The following PAPPA variants were observed in gnomAD, a reference collection of about 807,000 sequenced individuals.
PAPPA encodes the protein pappalysin 1, also known as pappalysin-1.
Under a neutral mutation model 164.0 loss-of-function variants are expected in PAPPA, and 60 were observed. The ratio of observed to expected loss-of-function variants is 0.37; its 90% CI spans 0.30 to 0.45. The LOEUF is 0.45. PAPPA is among the 20% of genes least tolerant of loss of function. The pLI is 1.00. For missense variants in PAPPA, 1,782 were observed against 2,087.3 expected (o/e 0.85, Z 2.85); for synonymous variants, 875 against 814.1 (o/e 1.07, Z -1.27).
At chr9:116,360,463 C>T (rs984537578) in intron 17 of PAPPA, among the ~76,000 whole-genome samples, 1 of 152,066 alleles carries the variant, frequency 6.6e-6, no homozygotes, top group Non-Finnish European at 1.5e-5. Context: ...TGGAAAGGGG[C>T]CCCTTTCTCT....
chr9:116,375,755 G>A (rs1846641001), intron 19 of PAPPA, among the ~76,000 whole-genome samples: 1 of 152,108 alleles, frequency 6.6e-6, no homozygotes, highest in African/African-American at 2.4e-5. Context: ...TGCCCTCAGG[G>A]AGAGAATAGG....
chr9:116,194,230 C>T (rs764910526), intron 2 of PAPPA, among the ~76,000 whole-genome samples: 3 of 152,210 alleles, frequency 2.0e-5, no homozygotes, highest in African/African-American at 7.2e-5. Flanking sequence ...GCCTTTTAAT[C>T]TCTCTGAGCC....
At chr9:116,319,507 G>A (rs1282676772) in intron 10 of PAPPA, among the ~76,000 whole-genome samples, 1 of 152,148 alleles carries the variant, frequency 6.6e-6, no homozygotes, top group Non-Finnish European at 1.5e-5. Flanking sequence ...CTGCTATTGT[G>A]AATTTTCTTT....
intron 5 of PAPPA, among the ~76,000 whole-genome samples, chr9:116,221,125 T>C (rs1343875056): frequency 6.6e-6 from 1 of 152,070 alleles, no homozygotes; most frequent in Non-Finnish European, 1.5e-5. Context: ...GAAAACTGGG[T>C]CTAATGATAC....
In PAPPA at chr9:116,391,902, A is replaced by AGTT. The variant is rs547356755; in HGVS notation, c.4777-4605_4777-4603dup. Among the ~76,000 whole-genome samples, 289 of 152,248 alleles carry AGTT rather than the reference A, an allele frequency of 1.9e-3. 1 individual carries two copies. The highest frequency in any genetic ancestry group is 6.2e-3 in the African/African-American group (258 of 41,548). On this transcript the variant is annotated intron_variant, in intron 21 of 21. Coordinates refer to ENST00000328252, the MANE Select transcript of PAPPA (RefSeq NM_002581.5). ...TGCTTGGGGAGTCAGGGAATCTGGC[A>AGTT]GTTGGGCTCAGAGCTCTGATTTTAT...
intron 10 of PAPPA, among the ~76,000 whole-genome samples, chr9:116,330,254 C>T (rs987370757): frequency 7.9e-5 from 12 of 152,256 alleles, no homozygotes; most frequent in African/African-American, 2.6e-4. Flanking sequence ...TACCAAAGAC[C>T]TCACCGATTT....
At chr9:116,231,200 A>G (rs1355473005) in intron 6 of PAPPA, among the ~76,000 whole-genome samples, 1 of 152,202 alleles carries the variant, frequency 6.6e-6, no homozygotes, top group Non-Finnish European at 1.5e-5. Flanking sequence ...TGGACAGTTT[A>G]TATAAACATG....
rs372683042 is a variant in PAPPA, at chr9:116,156,076, G to A, written c.415+1489G>A. Among the ~76,000 whole-genome samples the A allele has an allele frequency of 2.0e-4, 30 of 149,934 alleles. No homozygotes were observed. In the East Asian group the frequency reaches 5.1e-3, roughly 25 times the overall value. ...TATGTTGACTTCTCTTTCCAAACATGTGAAAAAGCAAAGAGACTGCTGCTT... is the reference window on the plus strand; with the variant it reads ...TATGTTGACTTCTCTTTCCAAACATATGAAAAAGCAAAGAGACTGCTGCTT... On this transcript the variant is annotated intron_variant, in intron 1 of 21. Transcript: ENST00000328252.
At chr9:116,329,693 A>G (rs2418443) in intron 10 of PAPPA, among the ~76,000 whole-genome samples, 150,589 of 152,324 alleles carry the variant, frequency 0.99, 74,460 homozygotes, top group Middle Eastern at 1. Context: ...TTTGCACCTT[A>G]TTTCTTTTTT....
intron 21 of PAPPA, among the ~76,000 whole-genome samples, chr9:116,386,428 C>T (rs1012902544): frequency 1.1e-4 from 17 of 152,276 alleles, no homozygotes; most frequent in African/African-American, 3.8e-4. Flanking sequence ...TTGCATATTT[C>T]AGACACTCTG....
rs560910267 is a variant in PAPPA, at chr9:116,352,901, C to T, written c.4160C>T (p.Ser1387Phe). Residue 1387 changes from serine to phenylalanine, a missense_variant, in exon 16 of 22, where the codon TCT becomes TTT. By Grantham distance (155) the Ser-to-Phe change is radical. Coordinates refer to ENST00000328252, the MANE Select transcript of PAPPA (RefSeq NM_002581.5). ...CCTGGATACCATGTGCCTGGATCCT[C>T]TCGGAAGTCAAAGAAGTAAGTGGGG... ...CKPGYHVPGS[S>F]RKSKKRAFKT... The T allele has an allele frequency of 6.2e-7, 1 of 1,613,938 alleles. No homozygotes were observed. Among genetic ancestry groups the T allele is most frequent in the Non-Finnish European group, 8.5e-7 (1 of 1,179,850 alleles).
intron 21 of PAPPA, among the ~76,000 whole-genome samples, chr9:116,383,073 T>A (rs1333176768): frequency 6.6e-6 from 1 of 152,132 alleles, no homozygotes; most frequent in African/African-American, 2.4e-5. Flanking sequence ...GGTCATGGTA[T>A]TTTTTCTTTA....
chr9:116,284,468 A>G (rs747566997), intron 9 of PAPPA, among the ~76,000 whole-genome samples: 11 of 150,618 alleles, frequency 7.3e-5, no homozygotes, highest in Middle Eastern at 3.5e-3. Flanking sequence ...GCAGTCTCCA[A>G]TGTTCCATAA....
At chr9:116,212,779 A>C (rs2118687754) in intron 4 of PAPPA, among the ~76,000 whole-genome samples, 1 of 152,286 alleles carries the variant, frequency 6.6e-6, no homozygotes, top group East Asian at 1.9e-4. Flanking sequence ...GGAAGGAGGA[A>C]AATGAATAAA....
At chr9:116,379,991 A>G (rs971397931) in intron 20 of PAPPA, among the ~76,000 whole-genome samples, 4 of 152,054 alleles carry the variant, frequency 2.6e-5, no homozygotes, top group African/African-American at 4.8e-5. Flanking sequence ...ATTAACTCCT[A>G]CTCATCTTTA....
intron 1 of PAPPA, among the ~76,000 whole-genome samples, chr9:116,186,047 C>T (rs779936222): frequency 1.2e-4 from 18 of 152,156 alleles, no homozygotes; most frequent in South Asian, 2.1e-4. Flanking sequence ...AAGTGAGAAA[C>T]GTAATGTCAC....
chr9:116,256,065 G>A (rs1457797721), intron 7 of PAPPA, among the ~76,000 whole-genome samples: 5 of 149,774 alleles, frequency 3.3e-5, no homozygotes, highest in Middle Eastern at 3.6e-3. Flanking sequence ...AGAAATTAAC[G>A]TAAAATCGCT....
At chr9:116,382,600 G>A in intron 21 of PAPPA, 107 bp downstream of exon 21, 1 of 754,434 alleles carries the variant, frequency 1.3e-6, no homozygotes, top group Non-Finnish European at 2.4e-6. Flanking sequence ...AACTCTGCCA[G>A]CACTGTCCAC....
At chr9:116,390,088 T>C (rs1846871025) in intron 21 of PAPPA, among the ~76,000 whole-genome samples, 1 of 152,192 alleles carries the variant, frequency 6.6e-6, no homozygotes, top group African/African-American at 2.4e-5. Flanking sequence ...GATACTGTAC[T>C]AGGCCATGAG....
Sources: allele counts gnomAD v4.1 joint callset (sites outside exome capture counted in the v4.1 genomes callset), GRCh38; gene constraint gnomAD v4.1.1; transcripts MANE v1.5; gene names NCBI Gene and HGNC (gene_info 2026-07-23, HGNC 2026-07-21).